Variants in GFOD1 observed in about 807,000 individuals in gnomAD.
GFOD1 encodes the protein glucose-fructose oxidoreductase domain-containing protein 1.
Under a neutral mutation model 25.4 loss-of-function variants are expected in GFOD1, and 9 were observed. The ratio of observed to expected loss-of-function variants is 0.35; its 90% CI spans 0.21 to 0.62. The LOEUF is 0.62. Ranked by LOEUF, GFOD1 falls within the 20% of genes least tolerant of loss-of-function variation. GFOD1 has a pLI of 0.72. For synonymous variants in GFOD1, 253 were observed against 245.6 expected (o/e 1.03, Z -0.28); for missense variants, 403 against 556.9 (o/e 0.72, Z 2.78).
chr6:13,401,698 T>C (rs115728556), intron 1 of GFOD1, among the ~76,000 whole-genome samples: 1 of 152,296 alleles, frequency 6.6e-6, no homozygotes, highest in African/African-American at 2.4e-5. Flanking sequence ...TGGAATGACA[T>C]CCTGCGTCCA....
intron 1 of GFOD1, chr6:13,485,912 C>G: frequency 1.9e-6 from 1 of 533,444 alleles, no homozygotes; most frequent in Non-Finnish European, 2.4e-6. Flanking sequence ...AAAGTTAAAA[C>G]CCCCTGGTTT....
At position 13,364,902 on chromosome 6, in the gene GFOD1, G is replaced by A. The variant is rs750794823; in HGVS notation, c.1014C>T (p.Asp338=). The A allele has an allele frequency of 6.2e-6, 10 of 1,613,434 alleles. No homozygotes were observed. Among genetic ancestry groups the A allele is most frequent in the South Asian group, 2.2e-5 (2 of 91,090 alleles). Residue 338 remains aspartate (D), a synonymous_variant, in exon 2 of 2, where the codon GAC becomes GAT. Transcript: ENST00000379287. The surrounding 1 kb of genome is among the most constrained non-coding windows in gnomAD (Gnocchi z 4.1). The part of the protein sequence containing the change: ...GRPLTMAATF[D]DCLYALCVVD... ...CCACGCACAAGGCATACAGGCAGTC[G>A]TCGAAGGTGGCGGCCATGGTGAGGG...
At chr6:13,376,174 A>G (rs1239365161) in intron 1 of GFOD1, among the ~76,000 whole-genome samples, 6 of 152,204 alleles carry the variant, frequency 3.9e-5, no homozygotes, top group Non-Finnish European at 1.5e-5. Flanking sequence ...AGTGGCACAT[A>G]CAGACCAGAG....
At chr6:13,371,153 G>A (rs951865087) in intron 1 of GFOD1, among the ~76,000 whole-genome samples, 2 of 152,172 alleles carry the variant, frequency 1.3e-5, no homozygotes, top group Admixed American at 6.5e-5. Context: ...AGATTCTACC[G>A]GGAAGACAGA....
intron 1 of GFOD1, among the ~76,000 whole-genome samples, chr6:13,420,915 T>G (rs192237170): frequency 6.6e-6 from 1 of 152,316 alleles, no homozygotes; most frequent in African/African-American, 2.4e-5. Flanking sequence ...AAACAGGATG[T>G]CATACATCAG....
At position 13,380,716 on chromosome 6, in the gene GFOD1, A is replaced by T. The variant is rs77358565; in HGVS notation, c.254-15054T>A. On this transcript the variant is annotated intron_variant, in intron 1 of 1. Transcript: ENST00000379287. ...CTTAGCTAGCTATGCAAGGCTGTAG[A>T]TTAAAACTCCTCTTTCCAAATCACA... Among the ~76,000 whole-genome samples, 1,226 of 152,300 alleles carry T rather than the reference A, an allele frequency of 8.0e-3. 3 individuals are homozygous for T. Among genetic ancestry groups the T allele is most frequent in the Non-Finnish European group, 0.012 (822 of 68,024 alleles).
chr6:13,486,485 G>T (rs1463014861), intron 1 of GFOD1, 153 bp downstream of exon 1: 4 of 678,528 alleles, frequency 5.9e-6, no homozygotes, highest in Non-Finnish European at 9.9e-6. Flanking sequence ...GAAGGAGGGA[G>T]CTCTGAGTCG....
chr6:13,378,950 T>A (rs1785307384), intron 1 of GFOD1, among the ~76,000 whole-genome samples: 1 of 115,990 alleles, frequency 8.6e-6, no homozygotes, highest in South Asian at 3.4e-4. Flanking sequence ...GAGAACCCCA[T>A]CTGCTGCTGG....
intron 1 of GFOD1, among the ~76,000 whole-genome samples, chr6:13,382,279 A>G (rs1398363611): frequency 2.0e-5 from 3 of 148,596 alleles, no homozygotes; most frequent in Non-Finnish European, 4.5e-5. Flanking sequence ...CCCAAATCTC[A>G]TCTTGAACTG....
intron 1 of GFOD1, among the ~76,000 whole-genome samples, chr6:13,429,395 C>A (rs531490360): frequency 2.6e-5 from 4 of 152,206 alleles, no homozygotes; most frequent in Non-Finnish European, 5.9e-5. Context: ...GCTTTAAGAA[C>A]GACAAACTAT....
In GFOD1 at chr6:13,373,738, C is replaced by G. The variant is rs546068104; in HGVS notation, c.254-8076G>C. 8.2e-5 allele frequency among the ~76,000 whole-genome samples: 10 copies of G among 121,596 alleles called. No homozygotes were observed. The South Asian group carries it at 2.1e-3, about 25-fold the overall frequency. 79.8% of individuals were successfully genotyped at this position (121,596 alleles called of 152,430 possible). On this transcript the variant is annotated intron_variant, in intron 1 of 1. Transcript: ENST00000379287. Reference sequence around the variant, plus strand: ...TTCCTGCTAATCTCCTTCCTGCTCCCCCAACACACACACACACACACACAC... The same window carrying G: ...TTCCTGCTAATCTCCTTCCTGCTCCGCCAACACACACACACACACACACAC...
intron 1 of GFOD1, among the ~76,000 whole-genome samples, chr6:13,391,925 T>C (rs1351571427): frequency 6.6e-6 from 1 of 152,206 alleles, no homozygotes; most frequent in Non-Finnish European, 1.5e-5. Flanking sequence ...TTTAAAACAG[T>C]TGATAAACAG....
At chr6:13,473,311 C>A (rs1207808354) in intron 1 of GFOD1, among the ~76,000 whole-genome samples, 1 of 152,224 alleles carries the variant, frequency 6.6e-6, no homozygotes, top group East Asian at 1.9e-4. Flanking sequence ...GGCATCCTCT[C>A]AACAGCTGAC....
At chr6:13,429,983 A>C (rs1221700140) in intron 1 of GFOD1, among the ~76,000 whole-genome samples, 1 of 152,208 alleles carries the variant, frequency 6.6e-6, no homozygotes, top group East Asian at 1.9e-4. Context: ...CTGATGAAGA[A>C]GTGAAATATA....
chr6:13,407,826 C>T (rs150106402), intron 1 of GFOD1: 12 of 387,724 alleles, frequency 3.1e-5, no homozygotes, highest in Non-Finnish European at 4.2e-5. Context: ...AAGAGAATTG[C>T]AAACACAAAC....
At chr6:13,393,472 C>A (rs191099800) in intron 1 of GFOD1, among the ~76,000 whole-genome samples, 2 of 150,992 alleles carry the variant, frequency 1.3e-5, no homozygotes. Context: ...GAAAGGACCA[C>A]CGGCCAGTCC....
chr6:13,386,556 C>T lies in GFOD1; in HGVS notation c.254-20894G>A, dbSNP rs115781248. 8.1e-3 allele frequency among the ~76,000 whole-genome samples: 1,237 copies of T among 152,296 alleles called. 17 individuals are homozygous for T. Among genetic ancestry groups the T allele is most frequent in the African/African-American group, 0.024 (990 of 41,576 alleles). On this transcript the variant is annotated intron_variant, in intron 1 of 1. Coordinates refer to ENST00000379287, the MANE Select transcript of GFOD1 (RefSeq NM_018988.4). ...GTCTTCTTCCCAGCCATCATTGGCTCCTGCACCAGTGAACACCAGCTGCCC... is the reference window on the plus strand; with the variant it reads ...GTCTTCTTCCCAGCCATCATTGGCTTCTGCACCAGTGAACACCAGCTGCCC...
chr6:13,373,741 A>AACACACACACACACACACACACAC (rs10530031), intron 1 of GFOD1, among the ~76,000 whole-genome samples: 1 of 129,596 alleles, frequency 7.7e-6, no homozygotes, highest in African/African-American at 3.0e-5. Flanking sequence ...CTGCTCCCCC[A>AACACACACACACACACACACACAC]ACACACACAC....
At chr6:13,409,213 AAGAG>A (rs147140485) in intron 1 of GFOD1, among the ~76,000 whole-genome samples, 42 of 57,672 alleles carry the variant, frequency 7.3e-4, no homozygotes, top group East Asian at 3.4e-3. Flanking sequence ...GAAAGAAGGA[AAGAG>A]AGAGAGAGGA....
Sources: allele counts gnomAD v4.1 joint callset (sites outside exome capture counted in the v4.1 genomes callset), GRCh38; gene constraint gnomAD v4.1.1; non-coding constraint Gnocchi (gnomAD v3.1); transcripts MANE v1.5; gene names NCBI Gene and HGNC (gene_info 2026-07-23, HGNC 2026-07-21).